The following PAPPA2 variants were observed in gnomAD, a reference collection of about 807,000 sequenced individuals.
The protein encoded by PAPPA2 is pappalysin-2.
In PAPPA2, 86 loss-of-function variants were observed where a neutral mutation model predicts 176.4. The observed-to-expected ratio is 0.49, with a 90% CI of 0.41 to 0.58. The LOEUF is 0.58. PAPPA2 is among the 20% of genes least tolerant of loss of function. PAPPA2 has a pLI of 0.00. For synonymous variants in PAPPA2, 809 were observed against 852.2 expected (o/e 0.95, Z 0.88); for missense variants, 2,073 against 2,256.9 (o/e 0.92, Z 1.65).
In PAPPA2 at chr1:176,497,613, G is replaced by T. The variant is rs532356000; in HGVS notation, c.-917+34195G>T. Among the ~76,000 whole-genome samples the T allele has an allele frequency of 3.2e-4, 48 of 152,254 alleles. 1 individual carries two copies. In the South Asian group the frequency reaches 1.0e-2, roughly 32 times the overall value. ...TTGAGAGTTTTCACACAAAAAAAAG[G>T]TTTTTGTGGCTCTTTTTGGAAAAGT... On this transcript the variant is annotated intron_variant, in intron 1 of 22. Transcript: ENST00000367662.
intron 2 of PAPPA2, among the ~76,000 whole-genome samples, chr1:176,581,453 C>T (rs1431020204): frequency 1.3e-5 from 2 of 152,074 alleles, no homozygotes; most frequent in Non-Finnish European, 2.9e-5. Context: ...AGGTCTTTTG[C>T]AGTAGCCTGC....
rs1370734245 is a variant in PAPPA2 at position 176,498,245 on chromosome 1, C to T, written c.-917+34827C>T. Among the ~76,000 whole-genome samples, 6 of 152,040 alleles carry T rather than the reference C, an allele frequency of 3.9e-5. 1 individual carries two copies. In the South Asian group the frequency reaches 8.3e-4, roughly 21 times the overall value. ...TTTGTCTGCACAGTGTCCTTTTCCT[C>T]GGGGCATAGCACTCTCCTCTTCTCT... On this transcript the variant is annotated intron_variant, in intron 1 of 22. Transcript: ENST00000367662.
intron 1 of PAPPA2, among the ~76,000 whole-genome samples, chr1:176,489,608 C>T (rs973112208): frequency 7.2e-5 from 11 of 152,170 alleles, no homozygotes; most frequent in African/African-American, 2.7e-4. Context: ...ACTATATAAT[C>T]CTCTGTGTCT....
chr1:176,617,000 G>A (rs189433157), intron 3 of PAPPA2, among the ~76,000 whole-genome samples: 2 of 152,304 alleles, frequency 1.3e-5, no homozygotes, highest in East Asian at 3.9e-4. Flanking sequence ...GCAACAAACA[G>A]ACAAGAAGTG....
intron 1 of PAPPA2, among the ~76,000 whole-genome samples, chr1:176,467,514 C>T (rs978823856): frequency 8.5e-5 from 13 of 152,182 alleles, no homozygotes; most frequent in Non-Finnish European, 1.8e-4. Context: ...CTCTATGTAA[C>T]AAGGATGGGT....
In PAPPA2 at chr1:176,594,898, G is replaced by A. The variant is rs375269696; in HGVS notation, c.1294G>A (p.Ala432Thr). 38 of 1,613,922 alleles carry A rather than the reference G, an allele frequency of 2.4e-5. No homozygotes were observed. Among genetic ancestry groups the A allele is most frequent in the African/African-American group, 4.0e-5 (3 of 74,920 alleles). Residue 432 changes from alanine (A) to threonine (T), a missense_variant, in exon 3 of 23, where the codon GCC becomes ACC. By Grantham distance (58) the Ala-to-Thr change is moderately conservative. Around this residue, in one of 4 missense-constraint regions of PAPPA2, gnomAD observed 1,196 missense variants for 1,330.4 expected, o/e 0.90. Transcript: ENST00000367662. ...HLGTLVFWST[A>T]LPQSHFQHSS... ...GGGCACACTGGTTTTCTGGTCGACCGCCCTGCCACAAAGCCATTTTCAGCA... is the reference window on the plus strand; with the variant it reads ...GGGCACACTGGTTTTCTGGTCGACCACCCTGCCACAAAGCCATTTTCAGCA...
chr1:176,751,386 C>T (rs1663167061), intron 14 of PAPPA2, among the ~76,000 whole-genome samples: 1 of 139,612 alleles, frequency 7.2e-6, no homozygotes, highest in Non-Finnish European at 1.5e-5. Context: ...AAAGAAACTA[C>T]CATCAGAGTG....
At chr1:176,834,108 A>G (rs1332898215) in intron 21 of PAPPA2, among the ~76,000 whole-genome samples, 2 of 152,228 alleles carry the variant, frequency 1.3e-5, no homozygotes, top group East Asian at 1.9e-4. Context: ...TTTGTTGACA[A>G]CCTACATCAG....
At chr1:176,663,310 C>G (rs867879517) in intron 3 of PAPPA2, among the ~76,000 whole-genome samples, 8 of 152,132 alleles carry the variant, frequency 5.3e-5, no homozygotes, top group African/African-American at 1.9e-4. Context: ...TGTGGCATTG[C>G]CTCCATTCTG....
At chr1:176,548,327 G>A (rs1038133814) in intron 1 of PAPPA2, among the ~76,000 whole-genome samples, 3 of 152,092 alleles carry the variant, frequency 2.0e-5, no homozygotes, top group Non-Finnish European at 4.4e-5. Context: ...AAGGGTAGTG[G>A]GAACAAGAGC....
chr1:176,489,415 T>C (rs560335365), intron 1 of PAPPA2, among the ~76,000 whole-genome samples: 1 of 152,248 alleles, frequency 6.6e-6, no homozygotes, highest in East Asian at 1.9e-4. Context: ...TATGAATACT[T>C]TATAGAAAGT....
intron 12 of PAPPA2, among the ~76,000 whole-genome samples, chr1:176,730,175 G>A (rs1242769581): frequency 6.6e-6 from 1 of 151,538 alleles, no homozygotes; most frequent in African/African-American, 2.4e-5. Context: ...ATTTTCTGGA[G>A]CCACTTGTAT....
At chr1:176,480,105 G>A (rs1036278405) in intron 1 of PAPPA2, among the ~76,000 whole-genome samples, 3 of 152,156 alleles carry the variant, frequency 2.0e-5, no homozygotes, top group Non-Finnish European at 2.9e-5. Flanking sequence ...GAGAGAAGCC[G>A]GCTGGTGGGG....
intron 3 of PAPPA2, among the ~76,000 whole-genome samples, chr1:176,601,497 G>A (rs1654320089): frequency 1.3e-5 from 2 of 152,182 alleles, no homozygotes; most frequent in South Asian, 4.1e-4. Flanking sequence ...ATCAAAGGGA[G>A]AGTACTTATC....
chr1:176,596,568 G>C (rs930804011), intron 3 of PAPPA2, among the ~76,000 whole-genome samples: 28 of 152,124 alleles, frequency 1.8e-4, no homozygotes, highest in Admixed American at 6.5e-5. Context: ...TAAATTTCCT[G>C]TTTAACACTT....
At chr1:176,594,447 G>A (rs975709954) in intron 2 of PAPPA2, 77 bp from the exon 3 acceptor site, 1 of 1,220,934 alleles carries the variant, frequency 8.2e-7, no homozygotes, top group African/African-American at 1.5e-5. Flanking sequence ...TTATTTACAT[G>A]GGCTTTCTTC....
intron 12 of PAPPA2, among the ~76,000 whole-genome samples, chr1:176,731,650 T>C (rs1335957179): frequency 6.6e-6 from 1 of 151,296 alleles, no homozygotes; most frequent in Non-Finnish European, 1.5e-5. Flanking sequence ...TGTGTATATA[T>C]ACATATGTGT....
At chr1:176,662,706 G>A (rs2102760781) in intron 3 of PAPPA2, among the ~76,000 whole-genome samples, 1 of 151,318 alleles carries the variant, frequency 6.6e-6, no homozygotes, top group East Asian at 1.9e-4. Flanking sequence ...TCTTCTTTCT[G>A]TTTTATTGGG....
intron 17 of PAPPA2, 35 bp downstream of exon 17, chr1:176,771,215 C>T: frequency 6.3e-7 from 1 of 1,585,154 alleles, no homozygotes; most frequent in South Asian, 1.1e-5. Flanking sequence ...GGAGTTCTAC[C>T]TACCTCGCTG....
Sources: allele counts gnomAD v4.1 joint callset (sites outside exome capture counted in the v4.1 genomes callset), GRCh38; gene constraint gnomAD v4.1.1; regional missense constraint gnomAD v4.1.1; transcripts MANE v1.5; gene names NCBI Gene and HGNC (gene_info 2026-07-23, HGNC 2026-07-21).